Variants in ZNF536 observed in about 807,000 individuals in gnomAD.
The protein encoded by ZNF536 is zinc finger protein 536.
In ZNF536, 13 loss-of-function variants were observed where a neutral mutation model predicts 84.5. The ratio of observed to expected loss-of-function variants is 0.15; its 90% confidence interval spans 0.10 to 0.24. The LOEUF (loss-of-function observed/expected upper bound fraction) is 0.24, where lower values mean the gene tolerates loss of function less well. Ranked by LOEUF, ZNF536 falls within the 10% of genes least tolerant of loss-of-function variation. ZNF536 has a pLI of 1.00. For missense variants in ZNF536, 1,536 were observed against 1,747.5 expected, an observed-to-expected ratio of 0.88 and a Z score of 2.16; for synonymous variants, 811 against 742.5, an observed-to-expected ratio of 1.09 and a Z score of -1.50.
At chr19:30,430,193 T>C (rs2051391415) in intron 1 of ZNF536, among the ~76,000 whole-genome samples, 1 of 152,184 alleles carries the variant, frequency 6.6e-6, no homozygotes, top group Non-Finnish European at 1.5e-5. Flanking sequence ...GTTGTCTGAG[T>C]CTTCCTCCCG....
intron 4 of ZNF536, chr19:30,556,154 T>G (rs1404625489): frequency 2.0e-5 from 3 of 152,262 alleles, no homozygotes; most frequent in Non-Finnish European, 4.4e-5. Flanking sequence ...ACCTCTATGG[T>G]CTGGCCTGCT....
intron 2 of ZNF536, among the ~76,000 whole-genome samples, chr19:30,310,316 A>G (rs1015845753): frequency 6.6e-6 from 1 of 152,200 alleles, no homozygotes; most frequent in Admixed American, 6.5e-5. Context: ...ATTCTTAAAC[A>G]GGGGTTGTTT....
chr19:30,305,755 G>A (rs986031083), intron 2 of ZNF536, among the ~76,000 whole-genome samples: 9 of 152,192 alleles, frequency 5.9e-5, no homozygotes, highest in Non-Finnish European at 8.8e-5. Context: ...GCAGAATTGG[G>A]TGGGGGACCA....
intron 1 of ZNF536, among the ~76,000 whole-genome samples, chr19:30,270,006 G>A (rs1275840660): frequency 3.3e-5 from 5 of 152,140 alleles, no homozygotes; most frequent in Admixed American, 1.3e-4. Flanking sequence ...ATCAGAACTG[G>A]AGAGAAAAAT....
chr19:30,489,436 G>A (rs1170081452), intron 2 of ZNF536, among the ~76,000 whole-genome samples: 1 of 152,006 alleles, frequency 6.6e-6, no homozygotes, highest in Non-Finnish European at 1.5e-5. Context: ...TTAAAAATTA[G>A]CGAGGTGTGG....
chr19:30,459,197 G>A (rs2053014673), intron 2 of ZNF536, among the ~76,000 whole-genome samples: 1 of 151,606 alleles, frequency 6.6e-6, no homozygotes, highest in Non-Finnish European at 1.5e-5. Flanking sequence ...TGGGCAACTT[G>A]GCCAGGGGAG....
At chr19:30,291,422 A>G (rs1391809937) in intron 2 of ZNF536, among the ~76,000 whole-genome samples, 1 of 151,962 alleles carries the variant, frequency 6.6e-6, no homozygotes, top group Non-Finnish European at 1.5e-5. Context: ...TTCAATTTGC[A>G]TTTCTCTAAT....
Position 30,548,177 on chromosome 19 carries a change from G to T in ZNF536, c.2558G>T (p.Gly853Val), listed in dbSNP as rs749305160. The change falls in exon 4 of 5, where the codon GGC (glycine) becomes GTC (valine). Residue 853 changes from glycine to valine, a missense_variant. Gly to Val is a moderately radical substitution (Grantham distance 109). Around this residue, in one of 8 missense-constraint regions of ZNF536, gnomAD observed 624 missense variants for 603.1 expected, o/e 1.03. Coordinates refer to ENST00000355537, the MANE Select transcript of ZNF536 (RefSeq NM_014717.3). Reference protein sequence around the residue: ...KGLPGIDFRGGPASQQWTSGV... With the variant: ...KGLPGIDFRGVPASQQWTSGV... ...CTCCCTGGAATCGACTTCAGAGGAG[G>T]CCCTGCATCTCAGCAGTGGACATCA... 1 of 1,614,170 alleles carries T rather than the reference G, an allele frequency of 6.2e-7. No individual in the cohort carries two copies. Among genetic ancestry groups the T allele is most frequent in the Non-Finnish European group, 8.5e-7 (1 of 1,180,042 alleles).
At position 30,444,292 on chromosome 19, in the gene ZNF536, G is replaced by T. The variant is rs748244776; in HGVS notation, c.730G>T (p.Ala244Ser). 10 of 1,575,616 alleles carry T rather than the reference G, an allele frequency of 6.3e-6. No homozygotes were observed. The highest frequency in any genetic ancestry group is 1.8e-5 in the Admixed American group (1 of 56,938). Residue 244 changes from alanine (A) to serine (S), a missense_variant, in exon 2 of 5, where the codon GCT becomes TCT. This residue lies in a region of ZNF536 where 138 missense variants were observed against 136.8 expected (regional missense o/e 1.01). Coordinates refer to ENST00000355537, the MANE Select transcript of ZNF536 (RefSeq NM_014717.3). ...PLAACTLALQ[A>S]NHSVPDVAHP... ...GGCCGCCTGCACCCTGGCCCTGCAG[G>T]CTAACCACAGCGTTCCCGACGTGGC...
At chr19:30,537,116 T>C (rs1476399563) in intron 3 of ZNF536, among the ~76,000 whole-genome samples, 1 of 152,214 alleles carries the variant, frequency 6.6e-6, no homozygotes, top group Non-Finnish European at 1.5e-5. Context: ...TGTCTGTTTG[T>C]CCAGCTGTGT....
intron 1 of ZNF536, among the ~76,000 whole-genome samples, chr19:30,663,988 T>A (rs1257194927): frequency 2.0e-5 from 3 of 152,218 alleles, no homozygotes; most frequent in African/African-American, 7.2e-5. Flanking sequence ...GCTGCCAATT[T>A]TTTTTCTAGG....
At chr19:30,471,026 G>A (rs187862171) in intron 2 of ZNF536, among the ~76,000 whole-genome samples, 15 of 146,666 alleles carry the variant, frequency 1.0e-4, no homozygotes, top group Admixed American at 2.1e-4. Flanking sequence ...TCGCTATGTT[G>A]CCCAGGCTTA....
intron 2 of ZNF536, among the ~76,000 whole-genome samples, chr19:30,310,899 G>T (rs2046480128): frequency 6.6e-6 from 1 of 152,220 alleles, no homozygotes; most frequent in Non-Finnish European, 1.5e-5. Context: ...GGGCTACTTT[G>T]TAAAACCCAT....
intron 2 of ZNF536, among the ~76,000 whole-genome samples, chr19:30,531,591 C>G (rs1397243994): frequency 6.6e-6 from 1 of 152,030 alleles, no homozygotes; most frequent in Non-Finnish European, 1.5e-5. Flanking sequence ...ACCTTGCTCC[C>G]CTCCCTACCT....
chr19:30,620,388 C>CA (rs1184969683), intron 1 of ZNF536, among the ~76,000 whole-genome samples: 7 of 151,756 alleles, frequency 4.6e-5, no homozygotes, highest in Non-Finnish European at 7.4e-5. Context: ...AAAACAATGA[C>CA]AAAAAAACTA....
chr19:30,360,145 C>T (rs1436348113), intron 3 of ZNF536, among the ~76,000 whole-genome samples: 1 of 152,222 alleles, frequency 6.6e-6, no homozygotes, highest in African/African-American at 2.4e-5. Context: ...AGCTGCTGAG[C>T]ATTTCCTTCT....
chr19:30,710,990 G>GAGACCAACTGAGC lies in ZNF536; in HGVS notation c.412_*10dup, dbSNP rs1248876272. ...GGAAGAGGGCGGCAAGGGCCAGGAG[G>GAGACCAACTGAGC]AGACCAACTGAGCAGACCAACCTGT... On this transcript the variant is annotated stop_gained and frameshift_variant, in exon 2 of 2. Coordinates refer to the ZNF536 transcript ENST00000592773. LOFTEE classifies it high-confidence loss of function. 6.6e-6 allele frequency: 1 copy of GAGACCAACTGAGC among 152,230 alleles called. No homozygotes were observed. The highest frequency in any genetic ancestry group is 6.5e-5 in the Admixed American group (1 of 15,288). The allele number at this position is 152,230 out of a possible 1,614,324, so 9.4% of individuals were successfully genotyped here. A position where few individuals can be genotyped will look rare whatever the true frequency, so the allele number is the denominator to read the frequency against.
At chr19:30,532,802 T>G (rs1344025500) in intron 2 of ZNF536, among the ~76,000 whole-genome samples, 26 of 152,188 alleles carry the variant, frequency 1.7e-4, no homozygotes, top group Non-Finnish European at 1.9e-4. Flanking sequence ...CAGCAGCTCC[T>G]TGTAGATTCA....
At chr19:30,686,386 G>T (rs2051182198) in intron 1 of ZNF536, among the ~76,000 whole-genome samples, 1 of 152,150 alleles carries the variant, frequency 6.6e-6, no homozygotes, top group Non-Finnish European at 1.5e-5. Flanking sequence ...AAACCAGATG[G>T]AGCCGCGGGC....
Sources: gnomAD v4.1 joint callset for allele counts (sites outside exome capture counted in the v4.1 genomes callset) on GRCh38, gnomAD v4.1.1 for gene constraint, gnomAD v4.1.1 regional missense constraint, MANE v1.5 for transcripts, NCBI Gene and HGNC (gene_info 2026-07-23, HGNC 2026-07-21) for gene names.